Variants in KALRN observed in about 807,000 individuals in gnomAD.
KALRN encodes kalirin.
A neutral mutation model predicts 353.7 loss-of-function variants in KALRN; 70 were observed. That is an observed-to-expected ratio of 0.20 (90% CI 0.16 to 0.24). The LOEUF (loss-of-function observed/expected upper bound fraction) is 0.24. Among genes scored for constraint, KALRN ranks in the 10% least tolerant of loss-of-function variants. The pLI is 1.00. For synonymous variants in KALRN, 1,391 were observed against 1,434.8 expected (o/e 0.97, Z 0.69); for missense variants, 2,791 against 3,756.7 (o/e 0.74, Z 6.72).
intron 13 of KALRN, among the ~76,000 whole-genome samples, chr3:124,404,064 G>A (rs2091212493): frequency 1.3e-5 from 2 of 150,254 alleles, no homozygotes; most frequent in Non-Finnish European, 2.9e-5. Flanking sequence ...TAGCAGGGAA[G>A]GGAGAAGAAA....
At chr3:124,711,103 T>C (rs1275244511) in intron 57 of KALRN, among the ~76,000 whole-genome samples, 1 of 152,232 alleles carries the variant, frequency 6.6e-6, no homozygotes, top group Non-Finnish European at 1.5e-5. Flanking sequence ...ATTTGCTTAC[T>C]GTGCCAAGAA....
intron 34 of KALRN, among the ~76,000 whole-genome samples, chr3:124,611,069 A>G (rs748876378): frequency 6.6e-6 from 1 of 152,134 alleles, no homozygotes; most frequent in Non-Finnish European, 1.5e-5. Flanking sequence ...AGTAAGTGCT[A>G]TAGAGAAGGT....
chr3:124,151,748 T>C (rs992999225), intron 1 of KALRN, among the ~76,000 whole-genome samples: 7 of 152,242 alleles, frequency 4.6e-5, no homozygotes, highest in African/African-American at 7.2e-5. Flanking sequence ...TTAGTACTTT[T>C]TGTGTCCTGT....
intron 19 of KALRN, among the ~76,000 whole-genome samples, chr3:124,445,164 TCTCTAAAC>T (rs2093796989): frequency 6.6e-6 from 1 of 152,212 alleles, no homozygotes; most frequent in South Asian, 2.1e-4. Context: ...TCAAAAGCTT[TCTCTAAAC>T]CTCAGTTTTC....
chr3:124,251,560 G>A (rs1041110559), intron 3 of KALRN, among the ~76,000 whole-genome samples: 10 of 151,954 alleles, frequency 6.6e-5, no homozygotes, highest in South Asian at 2.1e-4. Context: ...TTGTAGAGAC[G>A]TGGTTCCAAC....
At chr3:124,504,093 A>C (rs1454320025) in intron 33 of KALRN, among the ~76,000 whole-genome samples, 2 of 152,178 alleles carry the variant, frequency 1.3e-5, no homozygotes, top group Admixed American at 6.5e-5. Flanking sequence ...GACCCGCATA[A>C]AAATTTGTTT....
At chr3:124,303,199 GA>G (rs905264701) in intron 6 of KALRN, among the ~76,000 whole-genome samples, 2 of 152,002 alleles carry the variant, frequency 1.3e-5, no homozygotes, top group Non-Finnish European at 2.9e-5. Flanking sequence ...TAAATAAAAT[GA>G]AAAAAAGTTA....
At chr3:124,416,727 A>G (rs933094354) in intron 14 of KALRN, among the ~76,000 whole-genome samples, 2 of 152,356 alleles carry the variant, frequency 1.3e-5, no homozygotes, top group Middle Eastern at 3.4e-3. Context: ...CTTATCCCCC[A>G]ATGGCTGAGG....
chr3:124,296,082 G>A (rs1447770567), intron 5 of KALRN, among the ~76,000 whole-genome samples: 1 of 152,104 alleles, frequency 6.6e-6, no homozygotes, highest in Admixed American at 6.5e-5. Flanking sequence ...TAATTCAAAA[G>A]GGAGAATAAT....
chr3:124,286,339 G>T (rs964636863), intron 5 of KALRN, among the ~76,000 whole-genome samples: 43 of 148,934 alleles, frequency 2.9e-4, no homozygotes, highest in African/African-American at 1.0e-3. Context: ...CCGCCTTCTG[G>T]TTTCAAGCAA....
intron 11 of KALRN, among the ~76,000 whole-genome samples, chr3:124,389,933 C>G (rs1275101262): frequency 6.6e-6 from 1 of 152,098 alleles, no homozygotes. Flanking sequence ...AACTATTCAT[C>G]CCTACTTATA....
rs1390990891 is a variant in KALRN, at chr3:124,632,505, C to G, written c.5268C>G (p.Ile1756Met). The G allele has an allele frequency of 6.2e-7, 1 of 1,614,198 alleles. No individual in the cohort carries two copies. ...AGGCCCAGCCCTCCCTGAACTCCAT[C>G]CACAGTTCCCCGGGTCCCAAGCGCT... ...NLQAQPSLNS[I>M]HSSPGPKRST... Residue 1756 changes from isoleucine to methionine, a missense_variant, in exon 35 of 60, where the codon ATC (isoleucine) becomes ATG (methionine). Transcript: ENST00000682506.
intron 3 of KALRN, among the ~76,000 whole-genome samples, chr3:124,257,401 A>G (rs1195501723): frequency 1.3e-5 from 2 of 151,652 alleles, no homozygotes; most frequent in African/African-American, 4.8e-5. Context: ...GGTGATAAAG[A>G]AAGTCACTAA....
intron 34 of KALRN, among the ~76,000 whole-genome samples, chr3:124,595,720 A>AT (rs892156495): frequency 6.6e-6 from 1 of 152,150 alleles, no homozygotes; most frequent in African/African-American, 2.4e-5. Flanking sequence ...AGAATGTACT[A>AT]TTTTTGTTTT....
rs376556713 is a variant in KALRN at position 124,430,743 on chromosome 3, C to T, written c.2797C>T (p.Arg933Trp). The change falls in exon 16 of 60, where the codon CGG (arginine) becomes TGG (tryptophan). Residue 933 changes from arginine (R) to tryptophan (W), a missense_variant. This residue lies in a region of KALRN where 452 missense variants were observed against 575.8 expected (regional missense o/e 0.78). Coordinates refer to ENST00000682506, the MANE Select transcript of KALRN (RefSeq NM_001388419.1). Reference protein sequence around the residue: ...SSLSEAEQLQREHEQFQLAIE... With the variant: ...SSLSEAEQLQWEHEQFQLAIE... ...TTTGTCGGAAGCAGAGCAGCTGCAGCGGGAGCACGAGCAGTTCCAACTGGC... is the reference window on the plus strand; with the variant it reads ...TTTGTCGGAAGCAGAGCAGCTGCAGTGGGAGCACGAGCAGTTCCAACTGGC... The T allele has an allele frequency of 2.2e-5, 35 of 1,613,962 alleles. No homozygotes were observed. Among genetic ancestry groups the T allele is most frequent in the Middle Eastern group, 1.6e-4 (1 of 6,082 alleles).
In KALRN at chr3:124,496,565, T is replaced by C. The variant is rs1381816058; in HGVS notation, c.4935+152T>C. On this transcript the variant is annotated intron_variant, in intron 33 of 59. Transcript: ENST00000682506. ...CCAGCCAAGGAGGAAAGAACAGGGC[T>C]GGAGGAGGCATGTCCCAGCACGAGA... 3 of 635,606 alleles carry C rather than the reference T, an allele frequency of 4.7e-6. No individual in the cohort carries two copies. In the African/African-American group the frequency reaches 5.4e-5, roughly 11 times the overall value. The allele number at this position is 635,606 out of a possible 1,614,324, so 39.4% of individuals were successfully genotyped here. A position where few individuals can be genotyped will look rare whatever the true frequency, so the allele number is the denominator to read the frequency against.
intron 33 of KALRN, among the ~76,000 whole-genome samples, chr3:124,525,788 G>A (rs530304784): frequency 1.3e-5 from 2 of 152,250 alleles, no homozygotes; most frequent in South Asian, 4.1e-4. Context: ...TGGTATTTCT[G>A]GGACTATTCA....
intron 16 of KALRN, among the ~76,000 whole-genome samples, chr3:124,431,968 A>G (rs575372427): frequency 8.5e-5 from 13 of 152,354 alleles, no homozygotes; most frequent in Non-Finnish European, 5.9e-5. Flanking sequence ...CACACACAGC[A>G]TCAGCAAATC....
intron 33 of KALRN, among the ~76,000 whole-genome samples, chr3:124,508,024 A>G (rs1311715327): frequency 6.6e-6 from 1 of 152,184 alleles, no homozygotes. Context: ...CAGTATTTAT[A>G]TTACCTAACT....
Sources: allele counts gnomAD v4.1 joint callset (sites outside exome capture counted in the v4.1 genomes callset), GRCh38; gene constraint gnomAD v4.1.1; regional missense constraint gnomAD v4.1.1; transcripts MANE v1.5; gene names NCBI Gene and HGNC (gene_info 2026-07-23, HGNC 2026-07-21).